CCDC107: variants seen among roughly 807,000 people sequenced by gnomAD.
CCDC107 encodes the protein coiled-coil domain containing 107.
Under a neutral mutation model 17.9 loss-of-function variants are expected in CCDC107, and 17 were observed. The observed-to-expected ratio is 0.95, with a 90% CI of 0.65 to 1.42. The LOEUF is 1.42. CCDC107 is among the 40% of genes most tolerant of loss of function. The pLI, the probability that CCDC107 is intolerant of heterozygous loss-of-function variation, is 0.00. For synonymous variants in CCDC107, 170 were observed against 157.2 expected, an observed-to-expected ratio of 1.08 and a Z score of -0.61; for missense variants, 388 against 360.1, an observed-to-expected ratio of 1.08 and a Z score of -0.63.
chr9:35,660,197 G>A, intron 2 of CCDC107: 1 of 511,468 alleles, frequency 2.0e-6, no homozygotes, highest in Non-Finnish European at 3.4e-6. Context: ...AGGTGTTTCA[G>A]CAAACTGACC....
In CCDC107 at chr9:35,658,737, G is replaced by A. The variant is rs199739257; in HGVS notation, c.258+10G>A. On this transcript the variant is annotated intron_variant, in intron 2 of 4. Transcript: ENST00000426546. ...GTACAAGTGTTTGCAGGTACGGGGC[G>A]GCCGGGGGTAGGGGTGCCCCTGCAG... is the stretch of plus-strand genomic sequence containing the variant. 4 of 1,480,796 alleles carry A rather than the reference G, an allele frequency of 2.7e-6. No individual in the cohort carries two copies. The Admixed American group carries it at 7.0e-5, about 26-fold the overall frequency. 91.7% of individuals were successfully genotyped at this position (1,480,796 alleles called of 1,614,324 possible). A position where few individuals can be genotyped will look rare whatever the true frequency, so the allele number is the denominator to read the frequency against.
At chr9:35,660,336 GGAGACT>G (rs1823849602) in intron 2 of CCDC107, 59 bp from the exon 3 acceptor site, 2 of 1,410,700 alleles carry the variant, frequency 1.4e-6, no homozygotes, top group Non-Finnish European at 1.9e-6. Flanking sequence ...GGCTGGCTCT[GGAGACT>G]GAGGTGATGG....
Position 35,661,426 on chromosome 9 carries a change from G to T in CCDC107, c.*239G>T. ...CTTTTCTCATAGCAAAACTGAGACA[G>T]AAGGGTCTTTCCCAAAAAAAAGAAA... is the stretch of plus-strand genomic sequence containing the variant. On this transcript the variant is annotated 3_prime_UTR_variant, in exon 5 of 5. Coordinates refer to ENST00000426546, the MANE Select transcript of CCDC107 (RefSeq NM_174923.3). 2.2e-6 allele frequency: 1 copy of T among 456,302 alleles called. No homozygotes were observed. The highest frequency in any genetic ancestry group is 3.8e-6 in the Non-Finnish European group (1 of 260,084). 28.3% of individuals were successfully genotyped at this position (456,302 alleles called of 1,614,324 possible).
At chr9:35,658,754 C>T in intron 2 of CCDC107, 27 bp downstream of exon 2, 1 of 1,426,802 alleles carries the variant, frequency 7.0e-7, no homozygotes, top group Non-Finnish European at 9.3e-7. Flanking sequence ...GGTAGGGGTG[C>T]CCCTGCAGGT....
chr9:35,661,198 CTG>C lies in CCDC107; in HGVS notation c.*17_*18del. 6.4e-7 allele frequency: 1 copy of C among 1,574,048 alleles called. No homozygotes were observed. The highest frequency in any genetic ancestry group is 1.2e-5 in the South Asian group (1 of 84,716). ...AGTCTGTTTTCATGATGGAGTGCTC[CTG>C]TGTGTTTTTTCGATCCTAGTTGGTT... On this transcript the variant is annotated 3_prime_UTR_variant, in exon 5 of 5. Coordinates refer to ENST00000426546, the MANE Select transcript of CCDC107 (RefSeq NM_174923.3).
At chr9:35,659,181 G>A (rs1052490553) in intron 2 of CCDC107, 1 of 155,296 alleles carries the variant, frequency 6.4e-6, no homozygotes, top group Non-Finnish European at 1.4e-5. Flanking sequence ...GCCCTGAAAT[G>A]TAAGTTGACA....
rs1195879567 is a variant in CCDC107, at chr9:35,661,504, C to T, written c.*317C>T. The T allele has an allele frequency of 1.8e-5, 8 of 453,178 alleles. No homozygotes were observed. Among genetic ancestry groups the T allele is most frequent in the Non-Finnish European group, 3.1e-5 (8 of 259,038 alleles). 28.1% of individuals were successfully genotyped at this position (453,178 alleles called of 1,614,324 possible). On this transcript the variant is annotated 3_prime_UTR_variant, in exon 5 of 5. Coordinates refer to ENST00000426546, the MANE Select transcript of CCDC107 (RefSeq NM_174923.3). ...AATAAATGATAGAAACTATACACAACATAAAAATAGCCACATTTACAAAGC... is the reference window on the plus strand; with the variant it reads ...AATAAATGATAGAAACTATACACAATATAAAAATAGCCACATTTACAAAGC...
Position 35,660,835 on chromosome 9 carries a change from A to G in CCDC107, c.500A>G (p.Lys167Arg), listed in dbSNP as rs1823893296. The change falls in exon 5 of 5, where the codon AAG (lysine) becomes AGG (arginine). Residue 167 changes from lysine to arginine, a missense_variant. By Grantham distance (26) the Lys-to-Arg change is conservative. Transcript: ENST00000426546. The stretch of plus-strand genomic sequence containing the variant: ...CTGCTGCAAGATAGCAAGCCGGACA[A>G]GGATATGGAGGCTTCAGAACCAGGT... ...HELLQDSKPD[K>R]DMEASEPGEG... 1.9e-6 allele frequency: 3 copies of G among 1,614,064 alleles called. No homozygotes were observed. The highest frequency in any genetic ancestry group is 2.2e-5 in the South Asian group (2 of 91,088).
intron 2 of CCDC107, 44 bp from the exon 3 acceptor site, chr9:35,660,357 G>T: frequency 6.6e-7 from 1 of 1,522,170 alleles, no homozygotes; most frequent in South Asian, 1.3e-5. Context: ...TGATGGAGCA[G>T]AACCTTGTTG....
At position 35,661,246 on chromosome 9, in the gene CCDC107, C is replaced by T. The variant is rs35234337; in HGVS notation, c.*59C>T. ...TGGTTGTACACACCCATACTAGGTG[C>T]CTAAGGACAACTGGGCCTTCTTGAA... On this transcript the variant is annotated 3_prime_UTR_variant, in exon 5 of 5. Coordinates refer to ENST00000426546, the MANE Select transcript of CCDC107 (RefSeq NM_174923.3). 0.23 allele frequency: 292,873 copies of T among 1,266,844 alleles called. 36,049 individuals carry two copies. The highest frequency in any genetic ancestry group is 0.26 in the Middle Eastern group (1,278 of 4,992). 78.5% of individuals were successfully genotyped at this position (1,266,844 alleles called of 1,614,324 possible).
chr9:35,660,736 A>G lies in CCDC107; in HGVS notation c.411-10A>G. On this transcript the variant is annotated splice_polypyrimidine_tract_variant and intron_variant, in intron 4 of 4. Transcript: ENST00000426546. ...ATAGGTTGGGAGCCACTGAGTGGAC[A>G]TTTCTTCAGTGTGACTACTCTGGCT... 1 of 1,613,788 alleles carries G rather than the reference A, an allele frequency of 6.2e-7. No individual in the cohort carries two copies. The highest frequency in any genetic ancestry group is 8.5e-7 in the Non-Finnish European group (1 of 1,179,798).
rs1301534915 is a variant in CCDC107, at chr9:35,658,364, C to T, written c.-16C>T. ...TTCGGCACCGCCCGCCCGATCCCTC[C>T]ACCCGTGGGCCGGCAATGGCGGGCG... On this transcript the variant is annotated 5_prime_UTR_variant, in exon 1 of 5. Coordinates refer to ENST00000426546, the MANE Select transcript of CCDC107 (RefSeq NM_174923.3). 4 of 1,385,886 alleles carry T rather than the reference C, an allele frequency of 2.9e-6. No individual in the cohort carries two copies. The highest frequency in any genetic ancestry group is 3.3e-5 in the South Asian group (2 of 60,500). 85.8% of individuals were successfully genotyped at this position (1,385,886 alleles called of 1,614,324 possible).
In CCDC107 at chr9:35,658,689, G is replaced by T; in HGVS notation, c.220G>T (p.Ala74Ser). The T allele has an allele frequency of 6.4e-7, 1 of 1,567,182 alleles. No individual in the cohort carries two copies. The highest frequency in any genetic ancestry group is 1.8e-5 in the Admixed American group (1 of 56,264). ...GSLPLGALYTAAVAAFVLYKC... is the reference protein window; with the variant it reads ...GSLPLGALYTSAVAAFVLYKC... ...GCTGCCTCTGGGGGCGCTGTACACC[G>T]CGGCCGTCGCGGCTTTTGTGCTGTA... is the stretch of plus-strand genomic sequence containing the variant. The change falls in exon 2 of 5, where the codon GCG becomes TCG. Residue 74 changes from alanine to serine, a missense_variant. Transcript: ENST00000426546.
At chr9:35,660,301 T>G (rs768872766) in intron 2 of CCDC107, 100 bp from the exon 3 acceptor site, 3 of 1,004,040 alleles carry the variant, frequency 3.0e-6, no homozygotes, top group Non-Finnish European at 4.5e-6. Flanking sequence ...AATCACTGTC[T>G]CCATCTCAAA....
chr9:35,658,396 C>T lies in CCDC107; in HGVS notation c.17C>T (p.Ser6Leu). 2.8e-6 allele frequency: 4 copies of T among 1,409,868 alleles called. No homozygotes were observed. The highest frequency in any genetic ancestry group is 3.7e-6 in the Non-Finnish European group (4 of 1,079,296). 87.3% of individuals were successfully genotyped at this position (1,409,868 alleles called of 1,614,324 possible). A position where few individuals can be genotyped will look rare whatever the true frequency, so the allele number is the denominator to read the frequency against. MAGAV[S>L]LLGVVGLLLV... is the part of the protein sequence containing the mutation. ...GGGCCGGCAATGGCGGGCGCAGTTTCGCTCTTGGGTGTGGTGGGGCTGCTG... is the reference window on the plus strand; with the variant it reads ...GGGCCGGCAATGGCGGGCGCAGTTTTGCTCTTGGGTGTGGTGGGGCTGCTG... Residue 6 changes from serine (S) to leucine (L), a missense_variant, in exon 1 of 5, where the codon TCG becomes TTG. Physicochemically the swap from Ser to Leu is moderately radical, Grantham distance 145. Coordinates refer to ENST00000426546, the MANE Select transcript of CCDC107 (RefSeq NM_174923.3).
chr9:35,660,797 G>T lies in CCDC107; in HGVS notation c.462G>T (p.Trp154Cys). 1.2e-6 allele frequency: 2 copies of T among 1,614,126 alleles called. No homozygotes were observed. The highest frequency in any genetic ancestry group is 1.1e-5 in the South Asian group (1 of 91,076). Residue 154 changes from tryptophan to cysteine, a missense_variant, in exon 5 of 5, where the codon TGG (tryptophan) becomes TGT (cysteine). Trp to Cys is a radical substitution (Grantham distance 215). Coordinates refer to ENST00000426546, the MANE Select transcript of CCDC107 (RefSeq NM_174923.3). ...AGGAGCTTCTGAACATGAAGCTATGGACCATCCACGAGCTGCTGCAAGATA... is the reference window on the plus strand; with the variant it reads ...AGGAGCTTCTGAACATGAAGCTATGTACCATCCACGAGCTGCTGCAAGATA... Reference protein sequence around the residue: ...AQQELLNMKLWTIHELLQDSK... With the variant: ...AQQELLNMKLCTIHELLQDSK...
Position 35,658,560 on chromosome 9 carries a change from T to C in CCDC107, c.107-16T>C. On this transcript the variant is annotated splice_polypyrimidine_tract_variant and intron_variant, in intron 1 of 4. Coordinates refer to ENST00000426546, the MANE Select transcript of CCDC107 (RefSeq NM_174923.3). ...GGCCCCAGCTCGGCTGACTCGCCTG[T>C]ATCCTCCCTCCGCAGGGAACGCAGC... 6.4e-7 allele frequency: 1 copy of C among 1,571,502 alleles called. No homozygotes were observed. The highest frequency in any genetic ancestry group is 1.1e-5 in the South Asian group (1 of 88,442).
chr9:35,660,481 G>C lies in CCDC107; in HGVS notation c.319+20G>C. On this transcript the variant is annotated intron_variant, in intron 3 of 4. Transcript: ENST00000426546. ...AGTCAGGTGGGTTTAGCAGAAGTCT[G>C]TGCTGGGTCGGGGGAGTTTAGGGGA... is the stretch of plus-strand genomic sequence containing the variant. The C allele has an allele frequency of 1.2e-6, 2 of 1,613,448 alleles. No homozygotes were observed. Among genetic ancestry groups the C allele is most frequent in the African/African-American group, 1.3e-5 (1 of 75,040 alleles).
Position 35,660,983 on chromosome 9 carries a change from C to T in CCDC107, c.648C>T (p.Asp216=), listed in dbSNP as rs766836308. The T allele has an allele frequency of 1.4e-5, 23 of 1,613,906 alleles. 1 individual carries two copies. Among genetic ancestry groups the T allele is most frequent in the Admixed American group, 1.0e-4 (6 of 59,976 alleles). ...PLPEDFCLKE[D]EEEIGDSQAW... The stretch of plus-strand genomic sequence containing the variant: ...CTGAGGACTTCTGTTTAAAGGAGGA[C>T]GAGGAGGAGATTGGTGACAGTCAGG... The change falls in exon 5 of 5, where the codon GAC becomes GAT. Residue 216 remains aspartate (D), a synonymous_variant. Coordinates refer to ENST00000426546, the MANE Select transcript of CCDC107 (RefSeq NM_174923.3).
Sources: allele counts gnomAD v4.1 joint callset, GRCh38; gene constraint gnomAD v4.1.1; transcripts MANE v1.5; gene names NCBI Gene and HGNC (gene_info 2026-07-23, HGNC 2026-07-21).